NIPAL3: variants seen among roughly 807,000 people sequenced by gnomAD.
The protein encoded by NIPAL3 is NIPA-like protein 3.
NIPAL3 carries 41 observed loss-of-function variants against 47.2 expected under a neutral mutation model. The observed-to-expected ratio is 0.87, with a 90% CI of 0.68 to 1.13. The LOEUF (loss-of-function observed/expected upper bound fraction) is 1.13. Ranked by LOEUF, NIPAL3 falls within the 50% of genes most tolerant of loss-of-function variation. NIPAL3 has a pLI of 0.00. For synonymous variants in NIPAL3, 194 were observed against 209.6 expected, an observed-to-expected ratio of 0.93 and a Z score of 0.64; for missense variants, 449 against 530.1, an observed-to-expected ratio of 0.85 and a Z score of 1.50.
At chr1:24,417,378 A>G (rs1644106894) in intron 1 of NIPAL3, among the ~76,000 whole-genome samples, 1 of 152,226 alleles carries the variant, frequency 6.6e-6, no homozygotes, top group Non-Finnish European at 1.5e-5. Flanking sequence ...AGAGGTAGAA[A>G]GAACCCTGAG....
In NIPAL3 at chr1:24,472,582, A is replaced by G. The variant is rs1339393329; in HGVS notation, c.*3397A>G. 6.6e-6 allele frequency: 1 copy of G among 152,218 alleles called. No individual in the cohort carries two copies. The highest frequency in any genetic ancestry group is 1.9e-4 in the East Asian group (1 of 5,198). 9.4% of individuals were successfully genotyped at this position (152,218 alleles called of 1,614,324 possible). A position where few individuals can be genotyped will look rare whatever the true frequency, so the allele number is the denominator to read the frequency against. Reference sequence around the variant, plus strand: ...TTGGGTTTAAACTTCAGTTGCCATCACAGCAGGGTTCAGGTTATGCAGTTT... The same window carrying G: ...TTGGGTTTAAACTTCAGTTGCCATCGCAGCAGGGTTCAGGTTATGCAGTTT... On this transcript the variant is annotated 3_prime_UTR_variant, in exon 12 of 12. Transcript: ENST00000374399.
At chr1:24,457,692 A>C (rs763669763) in intron 8 of NIPAL3, 49 of 524,710 alleles carry the variant, frequency 9.3e-5, no homozygotes, top group South Asian at 7.0e-4. Context: ...CTGGCTCCCC[A>C]GCCCATGCCC....
intron 3 of NIPAL3, among the ~76,000 whole-genome samples, chr1:24,441,474 C>T (rs1354531490): frequency 6.6e-6 from 1 of 152,204 alleles, no homozygotes; most frequent in Non-Finnish European, 1.5e-5. Flanking sequence ...TTCGATGTCC[C>T]AGGTTCACAT....
chr1:24,439,775 C>T (rs956466610), intron 2 of NIPAL3, among the ~76,000 whole-genome samples: 1 of 152,040 alleles, frequency 6.6e-6, no homozygotes, highest in Admixed American at 6.6e-5. Context: ...TCATTGAAAC[C>T]CTCTGGGAAA....
At chr1:24,430,535 C>G (rs1283464560) in intron 2 of NIPAL3, among the ~76,000 whole-genome samples, 2 of 152,196 alleles carry the variant, frequency 1.3e-5, no homozygotes, top group Non-Finnish European at 2.9e-5. Context: ...CAGGCATGAA[C>G]CACCGTGCTA....
At chr1:24,442,287 A>G in intron 4 of NIPAL3, 61 bp downstream of exon 4, 3 of 1,575,168 alleles carry the variant, frequency 1.9e-6, no homozygotes, top group Non-Finnish European at 8.6e-7. Context: ...CCAGAGTGCC[A>G]GCGCCAGGAT....
At chr1:24,428,714 G>A (rs12030691) in intron 2 of NIPAL3, among the ~76,000 whole-genome samples, 35,386 of 152,138 alleles carry the variant, frequency 0.23, 4,663 homozygotes, top group East Asian at 0.46. Context: ...CTATTAATCT[G>A]CCTTTCATCA....
At chr1:24,458,830 G>C in intron 8 of NIPAL3, 58 bp from the exon 9 acceptor site, 1 of 1,339,054 alleles carries the variant, frequency 7.5e-7, no homozygotes, top group South Asian at 1.2e-5. Context: ...ACTGTTGTCA[G>C]CTCTTAGCCT....
chr1:24,454,133 C>T lies in NIPAL3; in HGVS notation c.637+629C>T. ...CCTTGACCTCCTGGCCTCAAGTGAT[C>T]CCCCTGCCTCGGCCTCCCAAAGTGC... is the stretch of plus-strand genomic sequence containing the variant. On this transcript the variant is annotated intron_variant, in intron 7 of 11. Coordinates refer to ENST00000374399, the MANE Select transcript of NIPAL3 (RefSeq NM_020448.5). This position sits in a 1 kb window ranked among gnomAD's most constrained non-coding sequence, Gnocchi z 4.1. 8.1e-7 allele frequency: 1 copy of T among 1,229,030 alleles called. No homozygotes were observed. The highest frequency in any genetic ancestry group is 1.1e-6 in the Non-Finnish European group (1 of 951,774). The allele number at this position is 1,229,030 out of a possible 1,614,324, so 76.1% of individuals were successfully genotyped here.
chr1:24,453,420 A>C lies in NIPAL3; in HGVS notation c.553A>C (p.Ile185Leu), dbSNP rs369779259. The stretch of plus-strand genomic sequence containing the variant: ...CTGCCTTCCACAGCTGGTGGAGATC[A>C]TTCTGTTCTGCTTGCTGCTCTACTT... Reference protein sequence around the residue: ...PFLLYMLVEIILFCLLLYFYK... With the variant: ...PFLLYMLVEILLFCLLLYFYK... Residue 185 changes from isoleucine to leucine, a missense_variant, in exon 7 of 12, where the codon ATT becomes CTT. By Grantham distance (5) the Ile-to-Leu change is conservative. Transcript: ENST00000374399. 8 of 1,612,880 alleles carry C rather than the reference A, an allele frequency of 5.0e-6. No individual in the cohort carries two copies. The highest frequency in any genetic ancestry group is 2.2e-5 in the East Asian group (1 of 44,812).
intron 2 of NIPAL3, among the ~76,000 whole-genome samples, chr1:24,434,553 T>G (rs562969625): frequency 2.0e-5 from 3 of 152,134 alleles, no homozygotes; most frequent in Non-Finnish European, 4.4e-5. Context: ...AGCAAGGAAA[T>G]AGAAGACTTG....
chr1:24,424,108 T>A (rs1274735613), intron 2 of NIPAL3, among the ~76,000 whole-genome samples: 1 of 152,186 alleles, frequency 6.6e-6, no homozygotes, highest in Non-Finnish European at 1.5e-5. Context: ...TGGAATATCT[T>A]CATGCCAGAG....
intron 5 of NIPAL3, among the ~76,000 whole-genome samples, chr1:24,448,914 C>T (rs993260339): frequency 6.6e-6 from 1 of 152,202 alleles, no homozygotes; most frequent in Non-Finnish European, 1.5e-5. Context: ...AAAAGCCCCC[C>T]AGCAGTAGAA....
Position 24,471,039 on chromosome 1 carries a change from A to C in NIPAL3, c.*1854A>C, listed in dbSNP as rs1280301456. On this transcript the variant is annotated 3_prime_UTR_variant, in exon 12 of 12. Transcript: ENST00000374399. ...TGTGAAGTGCGGTCGTGGGCCACAG[A>C]AAATGACCGTCATGGAGACCCTGCT... is the stretch of plus-strand genomic sequence containing the variant. 6.6e-6 allele frequency: 1 copy of C among 152,246 alleles called. No individual in the cohort carries two copies. The highest frequency in any genetic ancestry group is 1.9e-4 in the East Asian group (1 of 5,196). 9.4% of individuals were successfully genotyped at this position (152,246 alleles called of 1,614,324 possible).
At chr1:24,441,501 A>G (rs1645380059) in intron 3 of NIPAL3, among the ~76,000 whole-genome samples, 1 of 152,156 alleles carries the variant, frequency 6.6e-6, no homozygotes, top group African/African-American at 2.4e-5. Context: ...CCAAAAAAGA[A>G]TATTGACCAT....
intron 2 of NIPAL3, among the ~76,000 whole-genome samples, chr1:24,438,219 C>A (rs568676287): frequency 1.4e-4 from 21 of 152,182 alleles, no homozygotes; most frequent in Non-Finnish European, 2.8e-4. Flanking sequence ...ACGTGTTCTG[C>A]CTGCAGGTGG....
intron 3 of NIPAL3, among the ~76,000 whole-genome samples, chr1:24,440,624 T>C (rs1035169667): frequency 7.9e-5 from 12 of 152,308 alleles, no homozygotes; most frequent in Middle Eastern, 3.4e-3. Flanking sequence ...ACAGCTGCTG[T>C]GGATCCCCCC....
chr1:24,442,221 T>C lies in NIPAL3; in HGVS notation c.329T>C (p.Val110Ala). 6.2e-7 allele frequency: 1 copy of C among 1,613,860 alleles called. No individual in the cohort carries two copies. The highest frequency in any genetic ancestry group is 8.5e-7 in the Non-Finnish European group (1 of 1,179,976). The change falls in exon 4 of 12, where the codon GTG (valine) becomes GCG (alanine). Residue 110 changes from valine (V) to alanine (A), a missense_variant. By Grantham distance (64) the Val-to-Ala change is moderately conservative. Coordinates refer to ENST00000374399, the MANE Select transcript of NIPAL3 (RefSeq NM_020448.5). ...SLIVPLSAVS[V>A]IASAIIGIIF... ...ATCGTGCCCCTCAGCGCAGTTTCTG[T>C]GATAGGTAAGACCAGGGCTGCCCCA...
chr1:24,462,692 G>A (rs9424365), intron 10 of NIPAL3, among the ~76,000 whole-genome samples: 2 of 152,044 alleles, frequency 1.3e-5, no homozygotes, highest in African/African-American at 4.8e-5. Context: ...GATTGAACCC[G>A]AGCGGCAGAG....
Sources: allele counts gnomAD v4.1 joint callset (sites outside exome capture counted in the v4.1 genomes callset), GRCh38; gene constraint gnomAD v4.1.1; non-coding constraint Gnocchi (gnomAD v3.1); transcripts MANE v1.5; gene names NCBI Gene and HGNC (gene_info 2026-07-23, HGNC 2026-07-21).